The following LRP1B variants were observed in gnomAD, a reference collection of about 807,000 sequenced individuals.
LRP1B encodes LDL receptor related protein 1B, also known as low-density lipoprotein receptor-related protein 1B.
In LRP1B, 217 loss-of-function variants were observed where a neutral mutation model predicts 556.6. The ratio of observed to expected loss-of-function variants is 0.39; its 90% CI spans 0.35 to 0.44. The LOEUF (loss-of-function observed/expected upper bound fraction) is 0.44. LRP1B is among the 20% of genes least tolerant of loss of function. The pLI is 1.00. For missense variants in LRP1B, 5,053 were observed against 5,620.8 expected, an observed-to-expected ratio of 0.90 and a Z score of 3.23; for synonymous variants, 2,047 against 1,865.8, an observed-to-expected ratio of 1.10 and a Z score of -2.50.
intron 3 of LRP1B, among the ~76,000 whole-genome samples, chr2:141,382,492 G>A (rs1689678908): frequency 6.6e-6 from 1 of 152,118 alleles, no homozygotes; most frequent in Non-Finnish European, 1.5e-5. Flanking sequence ...GATCCCAAAG[G>A]GTCCCAGTCT....
At chr2:140,826,381 T>A (rs1490026129) in intron 31 of LRP1B, among the ~76,000 whole-genome samples, 1 of 152,110 alleles carries the variant, frequency 6.6e-6, no homozygotes, top group Non-Finnish European at 1.5e-5. Context: ...CATGTTAGGT[T>A]AATTGGCATG....
intron 1 of LRP1B, among the ~76,000 whole-genome samples, chr2:141,963,567 T>G (rs538221252): frequency 3.9e-4 from 60 of 151,928 alleles, no homozygotes; most frequent in Middle Eastern, 3.4e-3. Context: ...AAACTCTCAA[T>G]AAATTAGGTA....
intron 2 of LRP1B, among the ~76,000 whole-genome samples, chr2:141,554,489 T>C (rs908335821): frequency 6.6e-6 from 1 of 151,520 alleles, no homozygotes; most frequent in Non-Finnish European, 1.5e-5. Context: ...TCTTGAAGAA[T>C]GAAATGCAGG....
At position 140,344,011 on chromosome 2, in the gene LRP1B, G is replaced by A. The variant is rs537519838; in HGVS notation, c.11892+6786C>T. Among the ~76,000 whole-genome samples, 3 of 151,752 alleles carry A rather than the reference G, an allele frequency of 2.0e-5. No homozygotes were observed. In the South Asian group the frequency reaches 6.2e-4, roughly 31 times the overall value. ...AGGTCATAGACACGTTCATTAGTTTGATTGCGATGATGGTCAGAACTTGTG... is the reference window on the plus strand; with the variant it reads ...AGGTCATAGACACGTTCATTAGTTTAATTGCGATGATGGTCAGAACTTGTG... On this transcript the variant is annotated intron_variant, in intron 77 of 90. Coordinates refer to ENST00000389484, the MANE Select transcript of LRP1B (RefSeq NM_018557.3).
intron 27 of LRP1B, among the ~76,000 whole-genome samples, chr2:140,864,099 T>C (rs1692878719): frequency 6.6e-6 from 1 of 151,908 alleles, no homozygotes; most frequent in African/African-American, 2.4e-5. Flanking sequence ...AGTATTTCTC[T>C]GTCTTAGGTT....
intron 7 of LRP1B, among the ~76,000 whole-genome samples, chr2:141,111,516 T>G (rs1441170568): frequency 1.3e-5 from 2 of 152,186 alleles, no homozygotes; most frequent in Non-Finnish European, 2.9e-5. Context: ...TCCTGTGTTT[T>G]GTGCACTTAA....
At chr2:140,299,508 G>A (rs1213486791) in intron 83 of LRP1B, among the ~76,000 whole-genome samples, 1 of 152,044 alleles carries the variant, frequency 6.6e-6, no homozygotes, top group Non-Finnish European at 1.5e-5. Context: ...TAAACGCTGA[G>A]TAATCTCATA....
chr2:140,471,717 T>G (rs1170400220), intron 60 of LRP1B, among the ~76,000 whole-genome samples: 1 of 152,190 alleles, frequency 6.6e-6, no homozygotes, highest in Non-Finnish European at 1.5e-5. Flanking sequence ...TTGTCAAATC[T>G]AATAACAGCA....
chr2:140,271,378 A>G (rs549163741), intron 85 of LRP1B, among the ~76,000 whole-genome samples: 1 of 151,914 alleles, frequency 6.6e-6, no homozygotes, highest in African/African-American at 2.4e-5. Context: ...TCAGGCTACA[A>G]TATCGATTGA....
At chr2:140,921,029 A>G (rs1216590701) in intron 21 of LRP1B, among the ~76,000 whole-genome samples, 1 of 152,006 alleles carries the variant, frequency 6.6e-6, no homozygotes, top group Non-Finnish European at 1.5e-5. Flanking sequence ...GCAAAATATC[A>G]ATACACATTT....
chr2:141,651,850 T>A (rs553174140), intron 2 of LRP1B, among the ~76,000 whole-genome samples: 2 of 152,172 alleles, frequency 1.3e-5, no homozygotes, highest in Admixed American at 6.5e-5. Context: ...GTAATGGACA[T>A]CTCCTTGGAA....
intron 35 of LRP1B, among the ~76,000 whole-genome samples, chr2:140,740,232 A>G (rs1054372752): frequency 2.0e-5 from 3 of 152,216 alleles, no homozygotes; most frequent in African/African-American, 7.2e-5. Context: ...ATAGCAGCAC[A>G]ACTTGCAATT....
At chr2:141,895,847 C>T (rs954342517) in intron 1 of LRP1B, among the ~76,000 whole-genome samples, 1 of 151,984 alleles carries the variant, frequency 6.6e-6, no homozygotes, top group Non-Finnish European at 1.5e-5. Flanking sequence ...TCCGACCTGC[C>T]CTGTGCCCTC....
intron 1 of LRP1B, among the ~76,000 whole-genome samples, chr2:141,988,860 A>C (rs768565359): frequency 1.3e-5 from 2 of 152,018 alleles, no homozygotes; most frequent in African/African-American, 4.8e-5. Flanking sequence ...ACTTTAGAGC[A>C]TTTTCTCATA....
At chr2:141,172,785 C>T (rs923200570) in intron 7 of LRP1B, among the ~76,000 whole-genome samples, 2 of 151,922 alleles carry the variant, frequency 1.3e-5, no homozygotes, top group African/African-American at 2.4e-5. Context: ...ATTTTCTCTA[C>T]TAAGCAACCT....
chr2:140,412,423 G>A (rs1233734960), intron 66 of LRP1B, among the ~76,000 whole-genome samples: 1 of 151,980 alleles, frequency 6.6e-6, no homozygotes, highest in Admixed American at 6.6e-5. Flanking sequence ...TTATATTGTG[G>A]AAAATATGTA....
chr2:140,345,790 A>C (rs933369254), intron 77 of LRP1B, among the ~76,000 whole-genome samples: 3 of 138,788 alleles, frequency 2.2e-5, no homozygotes, highest in Middle Eastern at 3.4e-3. Context: ...ATATATATAC[A>C]CATATATACA....
chr2:140,839,936 A>G (rs1279647164), intron 31 of LRP1B, 55 bp downstream of exon 31: 1 of 1,033,440 alleles, frequency 9.7e-7, no homozygotes, highest in Non-Finnish European at 1.5e-6. Flanking sequence ...GGTATATTGT[A>G]CAAGTACAGG....
At chr2:142,082,642 A>C (rs1328373780) in intron 1 of LRP1B, among the ~76,000 whole-genome samples, 1 of 152,210 alleles carries the variant, frequency 6.6e-6, no homozygotes, top group Non-Finnish European at 1.5e-5. Flanking sequence ...GAGCCTGAGC[A>C]TCAGGCCTGT....
Sources: allele counts gnomAD v4.1 joint callset (sites outside exome capture counted in the v4.1 genomes callset), GRCh38; gene constraint gnomAD v4.1.1; transcripts MANE v1.5; gene names NCBI Gene and HGNC (gene_info 2026-07-23, HGNC 2026-07-21).